The following ZNF808 variants were observed in gnomAD, a reference collection of about 807,000 sequenced individuals.
ZNF808 encodes the protein zinc finger protein 808.
Under a neutral mutation model 8.7 loss-of-function variants are expected in ZNF808, and 5 were observed. The ratio of observed to expected loss-of-function variants is 0.58; its 90% CI spans 0.30 to 1.21. The LOEUF (loss-of-function observed/expected upper bound fraction) is 1.21, where lower values mean the gene tolerates loss of function less well. Among genes scored for constraint, ZNF808 ranks in the 50% most tolerant of loss-of-function variants. The pLI is 0.07. For synonymous variants in ZNF808, 380 were observed against 366.0 expected (o/e 1.04, Z -0.44); for missense variants, 1,103 against 1,098.4 (o/e 1.00, Z -0.06).
intron 2 of ZNF808, among the ~76,000 whole-genome samples, chr19:52,536,961 C>A (rs1290069915): frequency 6.6e-6 from 1 of 151,402 alleles, no homozygotes; most frequent in Admixed American, 6.6e-5. Context: ...CTTAGGCGGG[C>A]GGATCACCTG....
At chr19:52,534,138 C>A (rs769257637) in intron 2 of ZNF808, among the ~76,000 whole-genome samples, 1 of 152,026 alleles carries the variant, frequency 6.6e-6, no homozygotes, top group Non-Finnish European at 1.5e-5. Flanking sequence ...GCTTGGCTAG[C>A]GTGGTGAAAC....
At chr19:52,539,548 GT>G (rs71180473) in intron 2 of ZNF808, among the ~76,000 whole-genome samples, 585 of 51,972 alleles carry the variant, frequency 0.011, 7 homozygotes, top group African/African-American at 0.042. Flanking sequence ...TGTTGTGGTG[GT>G]TTTTTTTTTT....
downstream of ZNF808, among the ~76,000 whole-genome samples, chr19:52,560,077 TGTAATCCCA>T (rs1250820834): frequency 1.3e-5 from 2 of 152,220 alleles, no homozygotes; most frequent in Non-Finnish European, 2.9e-5. Flanking sequence ...GGCTCACGCC[TGTAATCCCA>T]GCACTTTGGG....
downstream of ZNF808, among the ~76,000 whole-genome samples, chr19:52,560,621 A>G (rs758708430): frequency 6.6e-6 from 1 of 152,178 alleles, no homozygotes; most frequent in Non-Finnish European, 1.5e-5. Context: ...ACCTCAGGCC[A>G]CCATACTGCT....
chr19:52,544,386 A>C (rs1379167596), intron 3 of ZNF808, among the ~76,000 whole-genome samples: 1 of 152,146 alleles, frequency 6.6e-6, no homozygotes, highest in Non-Finnish European at 1.5e-5. Flanking sequence ...GCTGGAGCGC[A>C]GTGGTACGAT....
At chr19:52,529,968 C>T (rs410046) in intron 1 of ZNF808, among the ~76,000 whole-genome samples, 47,219 of 150,824 alleles carry the variant, frequency 0.31, 8,049 homozygotes, top group East Asian at 0.5. Flanking sequence ...TTCTCAAAAC[C>T]CTGGGGTCAA....
chr19:52,545,949 G>A (rs1054572575), intron 3 of ZNF808, among the ~76,000 whole-genome samples: 11 of 152,264 alleles, frequency 7.2e-5, no homozygotes, highest in Middle Eastern at 3.4e-3. Context: ...TTACTTCAGC[G>A]TTTATATTCA....
intron 2 of ZNF808, among the ~76,000 whole-genome samples, chr19:52,538,176 A>T (rs686560): frequency 0.32 from 47,006 of 147,908 alleles, 7,921 homozygotes; most frequent in East Asian, 0.51. Flanking sequence ...CCCAGCTAGT[A>T]GTTTTTTTTT....
chr19:52,561,157 G>GTTCT (rs1242801353), downstream of ZNF808, among the ~76,000 whole-genome samples: 53 of 43,858 alleles, frequency 1.2e-3, 3 homozygotes, highest in African/African-American at 4.4e-3. Context: ...ACTTCTATCT[G>GTTCT]TTCTCTCTCT....
Position 52,553,429 on chromosome 19 carries a change from G to T in ZNF808, c.513G>T (p.Gln171His). The T allele has an allele frequency of 6.2e-7, 1 of 1,614,166 alleles. No individual in the cohort carries two copies. Among genetic ancestry groups the T allele is most frequent in the Non-Finnish European group, 8.5e-7 (1 of 1,180,026 alleles). ...ATCTGCCTGAACTCCACATATTTCA[G>T]ATCAAAGGTGAAATTGCTAATCAAC... is the stretch of plus-strand genomic sequence containing the variant. ...YSHLPELHIFQIKGEIANQLE... is the reference protein window; with the variant it reads ...YSHLPELHIFHIKGEIANQLE... The change falls in exon 5 of 5, where the codon CAG (glutamine) becomes CAT (histidine). Residue 171 changes from glutamine (Q) to histidine (H), a missense_variant. Physicochemically the swap from Gln to His is conservative, Grantham distance 24. Transcript: ENST00000359798.
chr19:52,556,744 G>C (rs930188253), downstream of ZNF808: 2 of 151,936 alleles, frequency 1.3e-5, no homozygotes, highest in African/African-American at 4.8e-5. Context: ...GGGAGACAGA[G>C]TGAGACTCCG....
At position 52,543,347 on chromosome 19, in the gene ZNF808, G is replaced by A; in HGVS notation, c.63G>A (p.Gln21=). The change falls in exon 3 of 5, where the codon CAG becomes CAA. Residue 21 remains glutamine, a splice_region_variant and synonymous_variant. Transcript: ENST00000359798. ...KGKESGMALP[Q]GRLTFRDVAI... is the part of the protein sequence containing the mutation. ...AGGAGTCAGGCATGGCTCTTCCTCA[G>A]GTGAAGTGATATTCCTCTGTGGATT... 6.2e-7 allele frequency: 1 copy of A among 1,612,880 alleles called. No individual in the cohort carries two copies. Among genetic ancestry groups the A allele is most frequent in the Non-Finnish European group, 8.5e-7 (1 of 1,179,724 alleles).
chr19:52,537,724 A>G (rs1475416502), intron 2 of ZNF808, among the ~76,000 whole-genome samples: 1 of 151,902 alleles, frequency 6.6e-6, no homozygotes, highest in Non-Finnish European at 1.5e-5. Context: ...CTTTGGGTAC[A>G]GATGAGTGTG....
intron 2 of ZNF808, among the ~76,000 whole-genome samples, chr19:52,542,519 G>A (rs560218304): frequency 6.6e-6 from 1 of 152,092 alleles, no homozygotes; most frequent in Admixed American, 6.6e-5. Flanking sequence ...CATCTTCTCC[G>A]GGTTTCCTTT....
chr19:52,553,353 A>T lies in ZNF808; in HGVS notation c.437A>T (p.His146Leu), dbSNP rs757354139. ...TGSTDQHDHRHAGNKPIKDQL... is the reference protein window; with the variant it reads ...TGSTDQHDHRLAGNKPIKDQL... ...AGCACAGACCAACATGATCACAGGCATGCTGGAAACAAGCCTATTAAAGAT... is the reference window on the plus strand; with the variant it reads ...AGCACAGACCAACATGATCACAGGCTTGCTGGAAACAAGCCTATTAAAGAT... The change falls in exon 5 of 5, where the codon CAT (histidine) becomes CTT (leucine). Residue 146 changes from histidine (H) to leucine (L), a missense_variant. By Grantham distance (99) the His-to-Leu change is moderately conservative. Coordinates refer to ENST00000359798, the MANE Select transcript of ZNF808 (RefSeq NM_001039886.4). 6.8e-6 allele frequency: 11 copies of T among 1,614,050 alleles called. No individual in the cohort carries two copies. The African/African-American group carries it at 1.3e-4, about 20-fold the overall frequency.
chr19:52,548,589 A>G (rs1310812809), intron 4 of ZNF808, among the ~76,000 whole-genome samples: 2 of 151,982 alleles, frequency 1.3e-5, no homozygotes, highest in African/African-American at 4.8e-5. Flanking sequence ...CACCCGGGTA[A>G]TTTTTGGTGG....
In ZNF808 at chr19:52,555,708, C is replaced by G; in HGVS notation, c.*80C>G. 6.5e-7 allele frequency: 1 copy of G among 1,539,194 alleles called. No individual in the cohort carries two copies. Among genetic ancestry groups the G allele is most frequent in the Non-Finnish European group, 8.8e-7 (1 of 1,137,786 alleles). ...AGAATCCATGATGAAGAGAAATCTTCTGAGTGTAATAAATGTGGCATGTTT... is the reference window on the plus strand; with the variant it reads ...AGAATCCATGATGAAGAGAAATCTTGTGAGTGTAATAAATGTGGCATGTTT... On this transcript the variant is annotated 3_prime_UTR_variant, in exon 5 of 5. Coordinates refer to ENST00000359798, the MANE Select transcript of ZNF808 (RefSeq NM_001039886.4).
downstream of ZNF808, among the ~76,000 whole-genome samples, chr19:52,565,594 G>A (rs562179669): frequency 5.3e-5 from 8 of 152,242 alleles, no homozygotes; most frequent in South Asian, 1.4e-3. Flanking sequence ...TGAGTCAAAT[G>A]TCTGTCTGAC....
chr19:52,550,640 C>G (rs2059767750), intron 4 of ZNF808, among the ~76,000 whole-genome samples: 1 of 151,982 alleles, frequency 6.6e-6, no homozygotes, highest in African/African-American at 2.4e-5. Context: ...ATTGTCCTGC[C>G]TCAGGCTCCC....
Sources: allele counts gnomAD v4.1 joint callset (sites outside exome capture counted in the v4.1 genomes callset), GRCh38; gene constraint gnomAD v4.1.1; transcripts MANE v1.5; gene names NCBI Gene and HGNC (gene_info 2026-07-23, HGNC 2026-07-21).